MSI2: variants seen among roughly 807,000 people sequenced by gnomAD.
MSI2 encodes the protein musashi RNA binding protein 2, also known as RNA-binding protein Musashi homolog 2.
MSI2 carries 17 observed loss-of-function variants against 45.6 expected under a neutral mutation model. The observed-to-expected ratio is 0.37, with a 90% CI of 0.26 to 0.56. The LOEUF is 0.56. Ranked by LOEUF, MSI2 falls within the 20% of genes least tolerant of loss-of-function variation. The pLI, the probability that MSI2 is intolerant of heterozygous loss-of-function variation, is 0.77. For synonymous variants in MSI2, 156 were observed against 158.2 expected (o/e 0.99, Z 0.11); for missense variants, 293 against 444.2 (o/e 0.66, Z 3.06).
chr17:57,659,247 G>C (rs56183378), intron 11 of MSI2, among the ~76,000 whole-genome samples: 2 of 142,482 alleles, frequency 1.4e-5, no homozygotes, highest in Non-Finnish European at 3.2e-5. Context: ...TGTGTTTTTT[G>C]TTTTTTCTTT....
intron 5 of MSI2, among the ~76,000 whole-genome samples, chr17:57,296,883 T>G (rs918985123): frequency 7.9e-5 from 12 of 152,192 alleles, no homozygotes; most frequent in African/African-American, 2.9e-4. Context: ...TTAAGGCTTT[T>G]TTGTTTTTTG....
intron 8 of MSI2, among the ~76,000 whole-genome samples, chr17:57,603,196 C>T (rs1321170112): frequency 2.6e-5 from 4 of 152,256 alleles, no homozygotes; most frequent in Non-Finnish European, 5.9e-5. Context: ...CCAGAGACTG[C>T]TCCCGCCCCT....
At chr17:57,636,301 G>A (rs1190323325) in intron 10 of MSI2, among the ~76,000 whole-genome samples, 1 of 152,176 alleles carries the variant, frequency 6.6e-6, no homozygotes, top group African/African-American at 2.4e-5. Context: ...TGAACCTGCT[G>A]TCACTCACCT....
chr17:57,555,275 T>C (rs991258775), intron 7 of MSI2, among the ~76,000 whole-genome samples: 1 of 152,202 alleles, frequency 6.6e-6, no homozygotes, highest in African/African-American at 2.4e-5. Context: ...ACCTATCCCA[T>C]CTGTCCCTGG....
At chr17:57,275,593 T>C (rs1181420786) in intron 5 of MSI2, among the ~76,000 whole-genome samples, 1 of 152,176 alleles carries the variant, frequency 6.6e-6, no homozygotes, top group Non-Finnish European at 1.5e-5. Context: ...CCTTGGGGCA[T>C]CCCCTGTATG....
rs531939417 is a variant in MSI2 at position 57,511,675 on chromosome 17, A to G, written c.406-18001A>G. On this transcript the variant is annotated intron_variant, in intron 6 of 13. Transcript: ENST00000284073. ...TCACCGTGCACAGCAGGGTTGATTA[A>G]GCCCCTGACCCCTTGACCTCAGTTG... Among the ~76,000 whole-genome samples, 29 of 152,272 alleles carry G rather than the reference A, an allele frequency of 1.9e-4. 1 individual carries two copies. Among genetic ancestry groups the G allele is most frequent in the African/African-American group, 7.0e-4 (29 of 41,554 alleles).
chr17:57,659,621 A>T (rs1193079736), intron 11 of MSI2, among the ~76,000 whole-genome samples: 1 of 152,112 alleles, frequency 6.6e-6, no homozygotes, highest in Non-Finnish European at 1.5e-5. Context: ...CTGGACTTGA[A>T]CCCAGGTCTC....
At chr17:57,678,126 C>T (rs1913363612) in intron 13 of MSI2, among the ~76,000 whole-genome samples, 1 of 152,202 alleles carries the variant, frequency 6.6e-6, no homozygotes, top group African/African-American at 2.4e-5. Context: ...CATTGGATGC[C>T]TCTCTCGTAG....
chr17:57,444,575 C>T (rs12600792), intron 6 of MSI2: 65,984 of 150,796 alleles, frequency 0.44, 14,724 homozygotes, highest in East Asian at 0.62. Flanking sequence ...AGCAAGACTC[C>T]GTCTCAAAAG....
At chr17:57,577,174 CCCAACCATGA>C (rs1166042505) in intron 7 of MSI2, among the ~76,000 whole-genome samples, 1 of 152,180 alleles carries the variant, frequency 6.6e-6, no homozygotes, top group African/African-American at 2.4e-5. Flanking sequence ...AGGCTGCTTC[CCCAACCATGA>C]GTGGCCGTTT....
rs115044743 is a variant in MSI2, at chr17:57,307,149, T to A, written c.312+44957T>A. 7.6e-3 allele frequency among the ~76,000 whole-genome samples: 1,163 copies of A among 152,342 alleles called. 11 individuals carry two copies. The highest frequency in any genetic ancestry group is 0.027 in the African/African-American group (1,115 of 41,574). On this transcript the variant is annotated intron_variant, in intron 5 of 13. Transcript: ENST00000284073. ...TAACACTCTGTGCAACCCCCTGTGA[T>A]TAATTTCATATGTCCACTTGGTTAG...
chr17:57,261,059 C>T (rs1246088506), intron 4 of MSI2, among the ~76,000 whole-genome samples: 1 of 152,132 alleles, frequency 6.6e-6, no homozygotes, highest in Non-Finnish European at 1.5e-5. Flanking sequence ...ACATTTTTAC[C>T]CAAAGATTTG....
At chr17:57,268,105 A>T (rs1907986117) in intron 5 of MSI2, 1 of 152,204 alleles carries the variant, frequency 6.6e-6, no homozygotes, top group Non-Finnish European at 1.5e-5. Flanking sequence ...AACAATAATA[A>T]ATTAGCAGAA....
intron 10 of MSI2, among the ~76,000 whole-genome samples, chr17:57,634,013 C>T (rs1909634523): frequency 6.6e-6 from 1 of 152,214 alleles, no homozygotes; most frequent in Non-Finnish European, 1.5e-5. Context: ...CCTTCCCTCT[C>T]TTCCCTCTTC....
At chr17:57,357,419 G>C (rs2143876615) in intron 5 of MSI2, among the ~76,000 whole-genome samples, 1 of 152,172 alleles carries the variant, frequency 6.6e-6, no homozygotes, top group East Asian at 1.9e-4. Context: ...CTGGCCTTCG[G>C]AGCTGGATCC....
In MSI2 at chr17:57,314,772, A is replaced by G. The variant is rs570123276; in HGVS notation, c.312+52580A>G. ...TTTTTAGTAAAAACGGGGTTTCGCTATGTTGGCCAGGATGGTCTCGATCTC... is the reference window on the plus strand; with the variant it reads ...TTTTTAGTAAAAACGGGGTTTCGCTGTGTTGGCCAGGATGGTCTCGATCTC... On this transcript the variant is annotated intron_variant, in intron 5 of 13. Transcript: ENST00000284073. 4.7e-4 allele frequency among the ~76,000 whole-genome samples: 72 copies of G among 152,022 alleles called. 1 individual carries two copies. The East Asian group carries it at 5.4e-3, about 11-fold the overall frequency.
intron 5 of MSI2, among the ~76,000 whole-genome samples, chr17:57,308,105 T>A (rs922491894): frequency 6.6e-6 from 1 of 152,202 alleles, no homozygotes; most frequent in Non-Finnish European, 1.5e-5. Context: ...GGCCCCACCA[T>A]TGATTAGCTG....
At chr17:57,628,973 C>T (rs901337363) in intron 10 of MSI2, 3 of 153,142 alleles carry the variant, frequency 2.0e-5, no homozygotes, top group African/African-American at 4.8e-5. Flanking sequence ...GGCACAGGCA[C>T]AGAGGTAGAA....
At position 57,277,755 on chromosome 17, in the gene MSI2, G is replaced by A. The variant is rs968403555; in HGVS notation, c.312+15563G>A. Among the ~76,000 whole-genome samples the A allele has an allele frequency of 3.1e-4, 47 of 152,314 alleles. 1 individual carries two copies. The highest frequency in any genetic ancestry group is 2.3e-3 in the Admixed American group (35 of 15,310). ...TGAGCATCTACCTGACAGGATTGTT[G>A]TAATGTTTACAGGAGACAGTGTTCG... On this transcript the variant is annotated intron_variant, in intron 5 of 13. Transcript: ENST00000284073.
Sources: allele counts gnomAD v4.1 joint callset (sites outside exome capture counted in the v4.1 genomes callset), GRCh38; gene constraint gnomAD v4.1.1; transcripts MANE v1.5; gene names NCBI Gene and HGNC (gene_info 2026-07-23, HGNC 2026-07-21).